Variants in PCSK5 observed in about 807,000 individuals in gnomAD.
PCSK5 encodes prohormone convertase 5.
In PCSK5, 129 loss-of-function variants were observed where a neutral mutation model predicts 233.2. The observed-to-expected ratio is 0.55, with a 90% CI of 0.48 to 0.64. The LOEUF is 0.64. Among genes scored for constraint, PCSK5 ranks in the 30% least tolerant of loss-of-function variants. The probability of loss-of-function intolerance (pLI) is 0.00; values close to 1 mark genes in which losing one functional copy is unlikely to be tolerated. For synonymous variants in PCSK5, 825 were observed against 879.2 expected (o/e 0.94, Z 1.09); for missense variants, 2,076 against 2,430.1 (o/e 0.85, Z 3.06).
chr9:75,984,908 T>C (rs1826440343), intron 2 of PCSK5, among the ~76,000 whole-genome samples: 1 of 152,186 alleles, frequency 6.6e-6, no homozygotes, highest in African/African-American at 2.4e-5. Flanking sequence ...TGCCTTAGGA[T>C]CCCTTCTCCA....
intron 2 of PCSK5, among the ~76,000 whole-genome samples, chr9:75,958,950 T>C (rs181369762): frequency 6.6e-6 from 1 of 152,338 alleles, no homozygotes; most frequent in Admixed American, 6.5e-5. Flanking sequence ...GAAGCTGACA[T>C]TGTGGCACAC....
At chr9:76,225,118 GTACACCCTTGCTCTTCTGT>G (rs1236562432) in intron 20 of PCSK5, among the ~76,000 whole-genome samples, 2 of 152,164 alleles carry the variant, frequency 1.3e-5, no homozygotes, top group African/African-American at 4.8e-5. Flanking sequence ...AGAGTCCTGT[GTACACCCTTGCTCTTCTGT>G]TCTGGTTTTT....
At chr9:75,916,682 G>A (rs368104647) in intron 1 of PCSK5, among the ~76,000 whole-genome samples, 3 of 152,146 alleles carry the variant, frequency 2.0e-5, no homozygotes, top group East Asian at 1.9e-4. Flanking sequence ...GGGTTGGTGC[G>A]TAGTGAGTGA....
intron 24 of PCSK5, among the ~76,000 whole-genome samples, chr9:76,246,112 G>A (rs1011611024): frequency 3.3e-5 from 5 of 151,814 alleles, no homozygotes; most frequent in East Asian, 1.9e-4. Flanking sequence ...AGGCCGAGGC[G>A]GGCAGATCAC....
chr9:76,202,052 GA>G (rs1197557969), intron 20 of PCSK5, among the ~76,000 whole-genome samples: 2 of 151,972 alleles, frequency 1.3e-5, no homozygotes, highest in African/African-American at 4.8e-5. Flanking sequence ...GCTAAACTAT[GA>G]AAAAAGTAAG....
intron 3 of PCSK5, among the ~76,000 whole-genome samples, chr9:76,020,358 A>G (rs1021886483): frequency 3.5e-4 from 54 of 152,196 alleles, no homozygotes; most frequent in Middle Eastern, 3.2e-3. Flanking sequence ...GAGGTATAGG[A>G]AACAACTACA....
intron 7 of PCSK5, among the ~76,000 whole-genome samples, chr9:76,072,590 T>C (rs1564009900): frequency 6.6e-6 from 1 of 152,248 alleles, no homozygotes; most frequent in Non-Finnish European, 1.5e-5. Flanking sequence ...TTCTTATTCA[T>C]GAATGGACCT....
intron 19 of PCSK5, 75 bp downstream of exon 19, chr9:76,189,298 G>C: frequency 1.1e-6 from 1 of 912,748 alleles, no homozygotes; most frequent in Non-Finnish European, 1.6e-6. Context: ...AAGAAAATAA[G>C]AAAACTTAGA....
chr9:76,118,982 A>G (rs1465257904), intron 9 of PCSK5, among the ~76,000 whole-genome samples: 1 of 151,938 alleles, frequency 6.6e-6, no homozygotes, highest in Non-Finnish European at 1.5e-5. Flanking sequence ...GTTTTTTTAA[A>G]CCAACCTTTT....
chr9:76,193,594 C>G (rs1231936228), intron 20 of PCSK5: 2 of 404,174 alleles, frequency 4.9e-6, no homozygotes, highest in Non-Finnish European at 8.8e-6. Flanking sequence ...GTGTTTAGTG[C>G]TAAACAGCCA....
At chr9:76,280,717 C>T (rs893152795) in intron 24 of PCSK5, among the ~76,000 whole-genome samples, 1 of 152,068 alleles carries the variant, frequency 6.6e-6, no homozygotes, top group Admixed American at 6.6e-5. Context: ...GCCTGAGTGA[C>T]AGAGCCAGAC....
chr9:75,909,991 T>A (rs538082097), intron 1 of PCSK5, among the ~76,000 whole-genome samples: 1 of 152,328 alleles, frequency 6.6e-6, no homozygotes, highest in South Asian at 2.1e-4. Flanking sequence ...GAGCTCCAGA[T>A]GGTGGATGCT....
chr9:76,219,656 G>C (rs1307633750), intron 20 of PCSK5, among the ~76,000 whole-genome samples: 2 of 152,252 alleles, frequency 1.3e-5, no homozygotes, highest in Middle Eastern at 3.4e-3. Flanking sequence ...CTTAAGGCCT[G>C]GCAGTGTCGT....
At chr9:76,354,691 C>T (rs1830252632) in intron 37 of PCSK5, among the ~76,000 whole-genome samples, 1 of 152,156 alleles carries the variant, frequency 6.6e-6, no homozygotes, top group Non-Finnish European at 1.5e-5. Flanking sequence ...GTGAGAGGAT[C>T]TCTTGAGCCC....
chr9:76,156,290 G>A (rs1822576112), intron 10 of PCSK5, among the ~76,000 whole-genome samples: 1 of 152,158 alleles, frequency 6.6e-6, no homozygotes. Context: ...TTCTGAGACA[G>A]TTATGTCAAA....
At chr9:76,145,110 G>C (rs1425732472) in intron 10 of PCSK5, among the ~76,000 whole-genome samples, 3 of 152,120 alleles carry the variant, frequency 2.0e-5, no homozygotes, top group Non-Finnish European at 2.9e-5. Flanking sequence ...GAGCGACAGA[G>C]CAAGACTCCA....
chr9:76,117,950 T>C (rs2131707066), intron 9 of PCSK5, among the ~76,000 whole-genome samples: 1 of 152,264 alleles, frequency 6.6e-6, no homozygotes, highest in East Asian at 1.9e-4. Context: ...TGGAAGAATG[T>C]CGTAGCGAGC....
chr9:76,064,063 C>A (rs547104112), intron 5 of PCSK5, among the ~76,000 whole-genome samples: 449 of 109,768 alleles, frequency 4.1e-3, no homozygotes, highest in South Asian at 0.02. Flanking sequence ...AGGGGCTCCT[C>A]ACTTCCCAGT....
rs1823502057 is a variant in PCSK5, at chr9:76,174,869, T to C, written c.1757-117T>C. ...GCTCTGCGTTTGATGTAGTGATTGA[T>C]ATCCATCTGCCTCCCACAGTTCTGT... is the stretch of plus-strand genomic sequence containing the variant. On this transcript the variant is annotated intron_variant, in intron 13 of 37. Coordinates refer to ENST00000674117, the MANE Select transcript of PCSK5 (RefSeq NM_001372043.1). 1.6e-5 allele frequency: 13 copies of C among 818,494 alleles called. No homozygotes were observed. The South Asian group carries it at 2.3e-4, about 14-fold the overall frequency. 50.7% of individuals were successfully genotyped at this position (818,494 alleles called of 1,614,324 possible).
Sources: allele counts gnomAD v4.1 joint callset (sites outside exome capture counted in the v4.1 genomes callset), GRCh38; gene constraint gnomAD v4.1.1; transcripts MANE v1.5; gene names NCBI Gene and HGNC (gene_info 2026-07-23, HGNC 2026-07-21).